RNF17: variants seen among roughly 807,000 people sequenced by gnomAD.
The protein encoded by RNF17 is ring finger protein 17, also known as spermatogenesis associated 23.
In RNF17, 31 loss-of-function variants were observed where a neutral mutation model predicts 200.5. That is an observed-to-expected ratio of 0.15 (90% CI 0.12 to 0.21). The LOEUF is 0.21. Among genes scored for constraint, RNF17 ranks in the 10% least tolerant of loss-of-function variants. The pLI is 1.00. For missense variants in RNF17, 1,628 were observed against 1,905.1 expected (o/e 0.85, Z 2.71); for synonymous variants, 606 against 637.8 (o/e 0.95, Z 0.75).
intron 22 of RNF17, among the ~76,000 whole-genome samples, chr13:24,846,692 T>C (rs1394977800): frequency 6.6e-6 from 1 of 152,098 alleles, no homozygotes; most frequent in East Asian, 1.9e-4. Flanking sequence ...TAATAATAGC[T>C]GATGAGCTAA....
At chr13:24,784,881 G>A (rs1274498081) in intron 6 of RNF17, among the ~76,000 whole-genome samples, 2 of 151,728 alleles carry the variant, frequency 1.3e-5, no homozygotes, top group Non-Finnish European at 1.5e-5. Flanking sequence ...AATTTTTTTT[G>A]TATTTTTAGT....
intron 18 of RNF17, among the ~76,000 whole-genome samples, chr13:24,841,142 C>T (rs1285930638): frequency 9.2e-5 from 14 of 152,110 alleles, no homozygotes; most frequent in Admixed American, 7.2e-4. Context: ...AGTAAATAGA[C>T]ACATGAGACA....
At chr13:24,854,761 C>T (rs1323687905) in intron 25 of RNF17, among the ~76,000 whole-genome samples, 2 of 152,232 alleles carry the variant, frequency 1.3e-5, no homozygotes, top group East Asian at 3.9e-4. Context: ...GTGCTGATCA[C>T]ATTAAAAATC....
Position 24,768,028 on chromosome 13 carries a change from C to A in RNF17, c.225+662C>A, listed in dbSNP as rs189293357. Among the ~76,000 whole-genome samples the A allele has an allele frequency of 3.3e-5, 5 of 151,880 alleles. No homozygotes were observed. In the South Asian group the frequency reaches 8.3e-4, roughly 25 times the overall value. ...AATCCATGCAACCACATTTTGAACT[C>A]CCCCCCTGCCCCTCAACCTTTGTGT... On this transcript the variant is annotated intron_variant, in intron 2 of 35. Transcript: ENST00000255324.
At chr13:24,848,849 G>T (rs570432808) in intron 22 of RNF17, among the ~76,000 whole-genome samples, 2 of 151,876 alleles carry the variant, frequency 1.3e-5, no homozygotes, top group South Asian at 4.2e-4. Flanking sequence ...ATATACCATC[G>T]TAATAAATAA....
At position 24,796,124 on chromosome 13, in the gene RNF17, C is replaced by T. The variant is rs1566144678; in HGVS notation, c.1241-13C>T. The T allele has an allele frequency of 6.3e-7, 1 of 1,586,314 alleles. No individual in the cohort carries two copies. The highest frequency in any genetic ancestry group is 1.8e-5 in the Admixed American group (1 of 55,808). On this transcript the variant is annotated splice_polypyrimidine_tract_variant and intron_variant, in intron 10 of 35. Transcript: ENST00000255324. ...TCATGGTTTATTAATGTGACTTAAA[C>T]ATTTTTATCCAGGTTCTGCAGAGCT...
chr13:24,783,110 TG>T (rs1882653800), intron 6 of RNF17, among the ~76,000 whole-genome samples: 1 of 152,246 alleles, frequency 6.6e-6, no homozygotes, highest in African/African-American at 2.4e-5. Context: ...CCTTTTGAGT[TG>T]GATATCCAGT....
intron 15 of RNF17, among the ~76,000 whole-genome samples, chr13:24,811,417 C>G (rs1459827595): frequency 6.6e-6 from 1 of 152,188 alleles, no homozygotes; most frequent in Non-Finnish European, 1.5e-5. Context: ...GATACCCTTT[C>G]TTCCAGTTGA....
chr13:24,832,766 AG>A (rs1889555133), intron 18 of RNF17, among the ~76,000 whole-genome samples: 1 of 152,078 alleles, frequency 6.6e-6, no homozygotes, highest in African/African-American at 2.4e-5. Flanking sequence ...TTTTTGAGAC[AG>A]GGTTTCATTC....
chr13:24,782,612 G>GT (rs549632648), intron 6 of RNF17, among the ~76,000 whole-genome samples: 11 of 151,602 alleles, frequency 7.3e-5, no homozygotes, highest in African/African-American at 1.9e-4. Flanking sequence ...AGATGGGGGG[G>GT]GGATCTTTGA....
chr13:24,888,570 G>GCTGA, the RNF17 span, among the ~76,000 whole-genome samples: 2 of 148,332 alleles, frequency 1.3e-5, no homozygotes, highest in Non-Finnish European at 3.0e-5. Context: ...AGCATACTCT[G>GCTGA]CTGACAGTAA....
the RNF17 span, among the ~76,000 whole-genome samples, chr13:24,754,896 A>T: frequency 2.9e-5 from 4 of 137,124 alleles, no homozygotes; most frequent in African/African-American, 1.1e-4. Context: ...ACCCTGTCTT[A>T]AAAAAAAAAA....
At chr13:24,806,184 G>A (rs1885827651) in intron 15 of RNF17, among the ~76,000 whole-genome samples, 1 of 152,158 alleles carries the variant, frequency 6.6e-6, no homozygotes, top group African/African-American at 2.4e-5. Context: ...TCCCTGCAAA[G>A]GATGTGACTC....
At chr13:24,786,987 C>T (rs1271666141) in intron 6 of RNF17, among the ~76,000 whole-genome samples, 1 of 152,062 alleles carries the variant, frequency 6.6e-6, no homozygotes, top group Non-Finnish European at 1.5e-5. Flanking sequence ...GTACCTTAGA[C>T]TCTGTTTACT....
intron 13 of RNF17, among the ~76,000 whole-genome samples, chr13:24,801,106 ATAAGT>A (rs1196922605): frequency 5.3e-5 from 8 of 152,208 alleles, no homozygotes; most frequent in African/African-American, 9.7e-5. Flanking sequence ...GAAATAACAA[ATAAGT>A]TAATTTAAAA....
chr13:24,760,894 G>C (rs1322139008), upstream of RNF17, among the ~76,000 whole-genome samples: 7 of 152,020 alleles, frequency 4.6e-5, no homozygotes, highest in Admixed American at 4.6e-4. Context: ...AATCATCAGG[G>C]AAATGCAAAT....
At chr13:24,858,575 G>GATATATAT (rs397770900) in intron 25 of RNF17, among the ~76,000 whole-genome samples, 19,924 of 142,994 alleles carry the variant, frequency 0.14, 1,575 homozygotes, top group East Asian at 0.27. Flanking sequence ...ATCAGTTATG[G>GATATATAT]ATATATATAT....
chr13:24,781,683 T>TA (rs1339220877), intron 5 of RNF17, among the ~76,000 whole-genome samples, 161 bp from the exon 6 acceptor site: 2 of 152,182 alleles, frequency 1.3e-5, no homozygotes, highest in Admixed American at 6.5e-5. Flanking sequence ...TAGTAAAACT[T>TA]AATGTTGAAC....
chr13:24,781,194 G>A (rs947390546), intron 5 of RNF17, among the ~76,000 whole-genome samples: 8 of 151,616 alleles, frequency 5.3e-5, no homozygotes, highest in East Asian at 1.9e-4. Context: ...TGGTTTCTAC[G>A]GTTTTTTTTT....
Sources: allele counts gnomAD v4.1 joint callset (sites outside exome capture counted in the v4.1 genomes callset), GRCh38; gene constraint gnomAD v4.1.1; transcripts MANE v1.5; gene names NCBI Gene and HGNC (gene_info 2026-07-23, HGNC 2026-07-21).